The following PDE3A variants were observed in gnomAD, a reference collection of about 807,000 sequenced individuals.
PDE3A encodes cGMP-inhibited 3',5'-cyclic phosphodiesterase 3A.
Under a neutral mutation model 98.3 loss-of-function variants are expected in PDE3A, and 43 were observed. The ratio of observed to expected loss-of-function variants is 0.44; its 90% CI spans 0.34 to 0.56. The LOEUF (loss-of-function observed/expected upper bound fraction) is 0.56. Among genes scored for constraint, PDE3A ranks in the 20% least tolerant of loss-of-function variants. The probability of loss-of-function intolerance (pLI) is 0.01; values close to 1 mark genes in which losing one functional copy is unlikely to be tolerated. For synonymous variants in PDE3A, 663 were observed against 567.9 expected (o/e 1.17, Z -2.38); for missense variants, 1,427 against 1,440.7 (o/e 0.99, Z 0.15).
intron 1 of PDE3A, among the ~76,000 whole-genome samples, chr12:20,449,480 A>T (rs535899176): frequency 6.6e-6 from 1 of 152,258 alleles, no homozygotes; most frequent in East Asian, 1.9e-4. Context: ...CAGGTTGCCT[A>T]GACGACTTTT....
intron 1 of PDE3A, among the ~76,000 whole-genome samples, chr12:20,437,203 A>C (rs947795118): frequency 6.6e-6 from 1 of 152,182 alleles, no homozygotes; most frequent in African/African-American, 2.4e-5. Context: ...TGGATGGCTC[A>C]TGACAAAAAT....
chr12:20,487,389 C>T (rs999519869), intron 1 of PDE3A, among the ~76,000 whole-genome samples: 1 of 148,112 alleles, frequency 6.8e-6, no homozygotes, highest in Non-Finnish European at 1.5e-5. Context: ...TAAGGCTGGA[C>T]ACGGTGGCTC....
rs867080435 is a variant in PDE3A at position 20,601,280 on chromosome 12, G to A, written c.1012-12163G>A. Among the ~76,000 whole-genome samples, 14 of 152,112 alleles carry A rather than the reference G, an allele frequency of 9.2e-5. No individual in the cohort carries two copies. In the East Asian group the frequency reaches 1.4e-3, roughly 15 times the overall value. ...TTTGTTTGTTTTTTGGCTTGCTTTC[G>A]TTTCTGCTGTTTTCAGAGTATGAAT... On this transcript the variant is annotated intron_variant, in intron 2 of 15. Transcript: ENST00000359062.
At chr12:20,527,563 G>A (rs1395283566) in intron 1 of PDE3A, among the ~76,000 whole-genome samples, 1 of 152,010 alleles carries the variant, frequency 6.6e-6, no homozygotes, top group Non-Finnish European at 1.5e-5. Context: ...TCCGCTGTCT[G>A]TTTGTTAGAG....
chr12:20,650,369 T>C, intron 13 of PDE3A, 76 bp from the exon 14 acceptor site: 2 of 892,782 alleles, frequency 2.2e-6, no homozygotes, highest in South Asian at 1.8e-5. Flanking sequence ...ACAATAAATG[T>C]TCTATTGTTT....
intron 1 of PDE3A, among the ~76,000 whole-genome samples, chr12:20,529,065 T>G (rs1200582538): frequency 6.6e-6 from 1 of 152,148 alleles, no homozygotes; most frequent in Non-Finnish European, 1.5e-5. Context: ...TCTAGAATCA[T>G]GAAAGTCATG....
chr12:20,481,833 C>T lies in PDE3A; in HGVS notation c.961-74827C>T, dbSNP rs1287701989. ...AGGCTGGAATGCAGGGGTGCGATCTCGGCTCACTGCAAGCTCCGCCTCCCG... is the reference window on the plus strand; with the variant it reads ...AGGCTGGAATGCAGGGGTGCGATCTTGGCTCACTGCAAGCTCCGCCTCCCG... On this transcript the variant is annotated intron_variant, in intron 1 of 15. Coordinates refer to ENST00000359062, the MANE Select transcript of PDE3A (RefSeq NM_000921.5). 5.8e-5 allele frequency among the ~76,000 whole-genome samples: 7 copies of T among 121,308 alleles called. No individual in the cohort carries two copies. The East Asian group carries it at 1.4e-3, about 23-fold the overall frequency. 79.6% of individuals were successfully genotyped at this position (121,308 alleles called of 152,430 possible). A position where few individuals can be genotyped will look rare whatever the true frequency, so the allele number is the denominator to read the frequency against.
chr12:20,438,236 C>A (rs1438735292), intron 1 of PDE3A, among the ~76,000 whole-genome samples: 6 of 151,922 alleles, frequency 3.9e-5, no homozygotes, highest in African/African-American at 9.7e-5. Flanking sequence ...GTGTTCAGCC[C>A]CCTAAAATTT....
At chr12:20,667,788 T>C (rs905464918) in intron 15 of PDE3A, among the ~76,000 whole-genome samples, 59 of 152,308 alleles carry the variant, frequency 3.9e-4, no homozygotes, top group African/African-American at 1.4e-3. Context: ...GGAATTGTTT[T>C]TCCTGTTTTT....
At chr12:20,670,644 A>C (rs1250366829) in intron 15 of PDE3A, among the ~76,000 whole-genome samples, 2 of 149,736 alleles carry the variant, frequency 1.3e-5, no homozygotes, top group East Asian at 3.9e-4. Flanking sequence ...TGTTCTTTGA[A>C]ACCAAGGAGA....
Position 20,369,530 on chromosome 12 carries a change from C to T in PDE3A, c.246C>T (p.Arg82=), listed in dbSNP as rs770299745. The T allele has an allele frequency of 5.8e-5, 90 of 1,557,898 alleles. No homozygotes were observed. The highest frequency in any genetic ancestry group is 4.8e-5 in the Non-Finnish European group (55 of 1,151,190). ...TGGCGCTGCTGGTGAGGCTGGTCCG[C>T]GGGGAGGTCGGCTGTGACCTGGAGC... is the stretch of plus-strand genomic sequence containing the variant. The part of the protein sequence containing the change: ...FLLALLVRLV[R]GEVGCDLEQC... Residue 82 remains arginine, a synonymous_variant, in exon 1 of 16, where the codon CGC becomes CGT. Coordinates refer to ENST00000359062, the MANE Select transcript of PDE3A (RefSeq NM_000921.5).
At chr12:20,559,336 C>G (rs1409125793) in intron 2 of PDE3A, among the ~76,000 whole-genome samples, 2 of 151,802 alleles carry the variant, frequency 1.3e-5, no homozygotes, top group African/African-American at 4.8e-5. Flanking sequence ...GTTCCCACAA[C>G]AAAATCCCCA....
rs781092096 is a variant in PDE3A at position 20,685,562 on chromosome 12, A to T, written c.*5291A>T. Among the ~76,000 whole-genome samples, 3 of 152,154 alleles carry T rather than the reference A, an allele frequency of 2.0e-5. No individual in the cohort carries two copies. The highest frequency in any genetic ancestry group is 2.9e-5 in the Non-Finnish European group (2 of 68,024). The stretch of plus-strand genomic sequence containing the variant: ...ATCAGTGTAGGTAAGACCATAAAAT[A>T]CAGTGTATAGAATTATATATAAATG... On this transcript the variant is annotated 3_prime_UTR_variant, in exon 16 of 16. Coordinates refer to ENST00000359062, the MANE Select transcript of PDE3A (RefSeq NM_000921.5).
intron 15 of PDE3A, among the ~76,000 whole-genome samples, chr12:20,667,379 T>C (rs1178720724): frequency 6.6e-6 from 1 of 152,210 alleles, no homozygotes; most frequent in African/African-American, 2.4e-5. Context: ...ACTTCCCTTA[T>C]GTTGTCTTCT....
chr12:20,594,197 G>C (rs1943408410), intron 2 of PDE3A, among the ~76,000 whole-genome samples: 3 of 4,180 alleles, frequency 7.2e-4, no homozygotes. Context: ...TTTGTTAGTA[G>C]AGGATAATGC....
intron 1 of PDE3A, among the ~76,000 whole-genome samples, chr12:20,511,932 C>A (rs1294071138): frequency 6.6e-6 from 1 of 151,954 alleles, no homozygotes; most frequent in Admixed American, 6.6e-5. Context: ...CCTCAAAAAT[C>A]CATAACTCCA....
chr12:20,482,668 T>C (rs1945652695), intron 1 of PDE3A, among the ~76,000 whole-genome samples: 1 of 152,232 alleles, frequency 6.6e-6, no homozygotes, highest in Admixed American at 6.5e-5. Flanking sequence ...CTGGTGTTTA[T>C]GTGAAAGAAT....
At chr12:20,651,215 A>G (rs1944907871) in intron 14 of PDE3A, among the ~76,000 whole-genome samples, 1 of 152,192 alleles carries the variant, frequency 6.6e-6, no homozygotes, top group Non-Finnish European at 1.5e-5. Flanking sequence ...AGCTACCACA[A>G]TTACATAAGC....
chr12:20,409,609 A>G lies in PDE3A; in HGVS notation c.960+39365A>G, dbSNP rs74565906. Among the ~76,000 whole-genome samples the G allele has an allele frequency of 4.8e-3, 727 of 152,290 alleles. 7 individuals carry two copies. The highest frequency in any genetic ancestry group is 0.017 in the African/African-American group (691 of 41,552). On this transcript the variant is annotated intron_variant, in intron 1 of 15. Coordinates refer to ENST00000359062, the MANE Select transcript of PDE3A (RefSeq NM_000921.5). Reference sequence around the variant, plus strand: ...AAAAATAGTGATCTTACGAAATATTATAGTTGGATATCATCAGAGAGGTGA... The same window carrying G: ...AAAAATAGTGATCTTACGAAATATTGTAGTTGGATATCATCAGAGAGGTGA...
Sources: gnomAD v4.1 joint callset for allele counts (sites outside exome capture counted in the v4.1 genomes callset) on GRCh38, gnomAD v4.1.1 for gene constraint, MANE v1.5 for transcripts, NCBI Gene and HGNC (gene_info 2026-07-23, HGNC 2026-07-21) for gene names.